HEMK2: variants seen among roughly 807,000 people sequenced by gnomAD.
The protein encoded by HEMK2 is methyltransferase HEMK2.
At chr21:28,599,466 G>T in the HEMK2 span, among the ~76,000 whole-genome samples, 1 of 152,026 alleles carries the variant, frequency 6.6e-6, no homozygotes, top group Non-Finnish European at 1.5e-5. Flanking sequence ...AATAGTATGG[G>T]GAAAATCACC....
the HEMK2 span, among the ~76,000 whole-genome samples, chr21:28,730,819 T>C: frequency 6.6e-6 from 1 of 152,034 alleles, no homozygotes; most frequent in African/African-American, 2.4e-5. Flanking sequence ...ACATTCTGTT[T>C]GTTAGAAGCA....
At chr21:28,708,666 C>T in the HEMK2 span, among the ~76,000 whole-genome samples, 2 of 152,066 alleles carry the variant, frequency 1.3e-5, no homozygotes, top group African/African-American at 4.8e-5. Flanking sequence ...AAAAATAATG[C>T]TAGGTAATAG....
the HEMK2 span, among the ~76,000 whole-genome samples, chr21:28,710,200 G>A: frequency 6.6e-6 from 1 of 152,328 alleles, no homozygotes; most frequent in South Asian, 2.1e-4. Context: ...CTTTCACTAA[G>A]TTAATTACAG....
the HEMK2 span, among the ~76,000 whole-genome samples, chr21:28,808,012 T>C: frequency 2.2e-4 from 33 of 152,096 alleles, no homozygotes; most frequent in East Asian, 4.1e-3. Context: ...TAAAGAATGT[T>C]TGAGAGAAAC....
At chr21:28,862,974 T>C in the HEMK2 span, among the ~76,000 whole-genome samples, 16,895 of 152,110 alleles carry the variant, frequency 0.11, 1,442 homozygotes, top group African/African-American at 0.23. Flanking sequence ...GAAGATTATG[T>C]GTGATCTCAG....
the HEMK2 span, among the ~76,000 whole-genome samples, chr21:28,677,606 G>A: frequency 6.6e-6 from 1 of 152,206 alleles, no homozygotes; most frequent in Non-Finnish European, 1.5e-5. Flanking sequence ...CTCCTCAAGT[G>A]GGTCCCTGAC....
chr21:28,757,033 G>T, the HEMK2 span, among the ~76,000 whole-genome samples: 1 of 152,100 alleles, frequency 6.6e-6, no homozygotes, highest in African/African-American at 2.4e-5. Context: ...GTATTGCTTT[G>T]AACTCTACTA....
the HEMK2 span, among the ~76,000 whole-genome samples, chr21:28,844,769 C>CTTTAATTTACTTTACTTTAA: frequency 7.0e-6 from 1 of 142,516 alleles, no homozygotes; most frequent in Non-Finnish European, 1.5e-5. Context: ...ATTACACTTT[C>CTTTAATTTACTTTACTTTAA]TTTTACTTTA....
At chr21:28,623,980 T>C in the HEMK2 span, among the ~76,000 whole-genome samples, 1 of 151,528 alleles carries the variant, frequency 6.6e-6, no homozygotes, top group Non-Finnish European at 1.5e-5. Flanking sequence ...CTTAAAGTAT[T>C]AAAAAAAAAC....
At chr21:28,799,891 T>A in the HEMK2 span, among the ~76,000 whole-genome samples, 1 of 152,188 alleles carries the variant, frequency 6.6e-6, no homozygotes, top group Non-Finnish European at 1.5e-5. Context: ...TATGGTTTTG[T>A]TTTTTGTGTA....
At chr21:28,841,963 C>T in the HEMK2 span, among the ~76,000 whole-genome samples, 1 of 152,184 alleles carries the variant, frequency 6.6e-6, no homozygotes, top group Non-Finnish European at 1.5e-5. Context: ...CTTGAGGCTG[C>T]TTTCCTTTGG....
At chr21:28,759,295 G>A in the HEMK2 span, among the ~76,000 whole-genome samples, 2 of 152,128 alleles carry the variant, frequency 1.3e-5, no homozygotes, top group African/African-American at 2.4e-5. Context: ...GGAGCTTTAC[G>A]ATTTGACTGC....
chr21:28,786,924 CAG>C, the HEMK2 span, among the ~76,000 whole-genome samples: 1 of 152,038 alleles, frequency 6.6e-6, no homozygotes, highest in African/African-American at 2.4e-5. Context: ...TTAGAAAAAA[CAG>C]TTCTAAAATT....
the HEMK2 span, among the ~76,000 whole-genome samples, chr21:28,608,603 C>T: frequency 6.6e-6 from 1 of 152,174 alleles, no homozygotes; most frequent in Admixed American, 6.5e-5. Context: ...TGTGAGACAG[C>T]TGAGGAACTG....
At chr21:28,598,969 G>T in the HEMK2 span, among the ~76,000 whole-genome samples, 13 of 152,182 alleles carry the variant, frequency 8.5e-5, no homozygotes, top group African/African-American at 3.1e-4. Flanking sequence ...GGCAGTAAAG[G>T]ATTGAAGGTA....
the HEMK2 span, among the ~76,000 whole-genome samples, chr21:28,755,899 CGAA>C: frequency 3.9e-5 from 6 of 152,160 alleles, no homozygotes; most frequent in East Asian, 9.7e-4. Context: ...CCTATATGCA[CGAA>C]GAAGAGCTAG....
At chr21:28,793,931 C>T in the HEMK2 span, among the ~76,000 whole-genome samples, 9 of 152,156 alleles carry the variant, frequency 5.9e-5, no homozygotes, top group African/African-American at 1.2e-4. Flanking sequence ...CTCGAGCCTT[C>T]GGAGAGAACA....
chr21:28,627,640 T>G, the HEMK2 span, among the ~76,000 whole-genome samples: 1 of 152,170 alleles, frequency 6.6e-6, no homozygotes, highest in African/African-American at 2.4e-5. Context: ...TATAAAGATT[T>G]GTGTATACAG....
the HEMK2 span, chr21:28,743,222 A>G: frequency 6.6e-6 from 1 of 152,150 alleles, no homozygotes; most frequent in East Asian, 1.9e-4. Context: ...TTCAGCAGCA[A>G]TTTAGAGTAG....
Sources: gnomAD v4.1 joint callset for allele counts (sites outside exome capture counted in the v4.1 genomes callset) on GRCh38, gnomAD v4.1.1 for gene constraint, MANE v1.5 for transcripts, NCBI Gene and HGNC (gene_info 2026-07-23, HGNC 2026-07-21) for gene names.